MAT2B: variants seen among roughly 807,000 people sequenced by gnomAD.
MAT2B encodes methionine adenosyltransferase 2 subunit beta.
In MAT2B, 16 loss-of-function variants were observed where a neutral mutation model predicts 36.1. The observed-to-expected ratio is 0.44, with a 90% CI of 0.30 to 0.67. The LOEUF (loss-of-function observed/expected upper bound fraction) is 0.67, where lower values mean the gene tolerates loss of function less well. Ranked by LOEUF, MAT2B falls within the 30% of genes least tolerant of loss-of-function variation. The pLI is 0.09. For missense variants in MAT2B, 332 were observed against 398.2 expected (o/e 0.83, Z 1.42); for synonymous variants, 148 against 136.9 (o/e 1.08, Z -0.57).
chr5:163,515,957 A>T (rs1343682895), intron 4 of MAT2B, among the ~76,000 whole-genome samples: 1 of 151,440 alleles, frequency 6.6e-6, no homozygotes, highest in Non-Finnish European at 1.5e-5. Flanking sequence ...CTGGTCTCGA[A>T]CTCCTGGGCT....
chr5:163,517,472 A>G (rs1760151036), intron 5 of MAT2B, 89 bp from the exon 6 acceptor site: 1 of 705,338 alleles, frequency 1.4e-6, no homozygotes, highest in South Asian at 1.7e-5. Flanking sequence ...TAGTTCCTGG[A>G]CCTTATTTTA....
At chr5:163,511,279 T>TG in intron 1 of MAT2B, among the ~76,000 whole-genome samples, 1 of 143,964 alleles carries the variant, frequency 6.9e-6, no homozygotes, top group East Asian at 2.0e-4. Context: ...AAAAAATTTT[T>TG]TTTTTGAAAC....
rs542109881 is a variant in MAT2B, at chr5:163,511,199, T to C, written c.64-803T>C. Among the ~76,000 whole-genome samples the C allele has an allele frequency of 5.8e-4, 88 of 152,200 alleles. 1 individual carries two copies. The highest frequency in any genetic ancestry group is 3.5e-4 in the Non-Finnish European group (24 of 68,044). On this transcript the variant is annotated intron_variant, in intron 1 of 6. Coordinates refer to ENST00000321757, the MANE Select transcript of MAT2B (RefSeq NM_013283.5). ...TTTCTGTTAACATAGGAAATATAAA[T>C]CTACATAATTCCTTGCATATCATCT...
At chr5:163,517,774 T>C (rs1760156016) in intron 6 of MAT2B, 100 bp downstream of exon 6, 2 of 687,350 alleles carry the variant, frequency 2.9e-6, no homozygotes, top group African/African-American at 1.8e-5. Flanking sequence ...AAGTGAACTT[T>C]GCTTGTATGC....
chr5:163,517,883 AG>A, intron 6 of MAT2B: 1 of 497,544 alleles, frequency 2.0e-6, no homozygotes, highest in African/African-American at 1.9e-5. Flanking sequence ...TGATCATGAC[AG>A]GCATTTGGTT....
At chr5:163,514,102 T>G (rs548213093) in intron 4 of MAT2B, 108 bp downstream of exon 4, 1 of 872,180 alleles carries the variant, frequency 1.1e-6, no homozygotes, top group Admixed American at 3.2e-5. Context: ...ATATGAATCA[T>G]TAGAGAAAAA....
chr5:163,518,262 A>T lies in MAT2B; in HGVS notation c.904A>T (p.Thr302Ser). ...NAQLDCSKLE[T>S]LGIGQRTPFR... ...TCAGCTTGACTGCTCCAAATTGGAGACCTTGGGCATTGGCCAACGAACACC... is the reference window on the plus strand; with the variant it reads ...TCAGCTTGACTGCTCCAAATTGGAGTCCTTGGGCATTGGCCAACGAACACC... The change falls in exon 7 of 7, where the codon ACC becomes TCC. Residue 302 changes from threonine to serine, a missense_variant. Physicochemically the swap from Thr to Ser is moderately conservative, Grantham distance 58 (BLOSUM62 1). Coordinates refer to ENST00000321757, the MANE Select transcript of MAT2B (RefSeq NM_013283.5). 1 of 1,613,946 alleles carries T rather than the reference A, an allele frequency of 6.2e-7. No individual in the cohort carries two copies. Among genetic ancestry groups the T allele is most frequent in the Non-Finnish European group, 8.5e-7 (1 of 1,179,916 alleles).
chr5:163,505,714 A>T lies in MAT2B; in HGVS notation c.28A>T (p.Ile10Leu). 1 of 1,285,790 alleles carries T rather than the reference A, an allele frequency of 7.8e-7. No homozygotes were observed. Among genetic ancestry groups the T allele is most frequent in the Non-Finnish European group, 9.9e-7 (1 of 1,008,960 alleles). The allele number at this position is 1,285,790 out of a possible 1,614,324, so 79.6% of individuals were successfully genotyped here. ...GGTGGGGCGGGAGAAAGAGCTCTCT[A>T]TACACTTTGTTCCCGGGAGCTGTCG... MVGREKELSIHFVPGSCRLV... is the reference protein window; with the variant it reads MVGREKELSLHFVPGSCRLV... Residue 10 changes from isoleucine to leucine, a missense_variant, in exon 1 of 7, where the codon ATA becomes TTA. Ile to Leu is a conservative substitution (Grantham distance 5, BLOSUM62 2). Coordinates refer to ENST00000321757, the MANE Select transcript of MAT2B (RefSeq NM_013283.5).
chr5:163,505,867 G>A (rs976032825), intron 1 of MAT2B, 118 bp downstream of exon 1: 1 of 787,298 alleles, frequency 1.3e-6, no homozygotes, highest in Non-Finnish European at 1.8e-6. Flanking sequence ...CCGGCCGGGA[G>A]TGGTCTCACC....
At chr5:163,506,979 T>G (rs763969941) in intron 1 of MAT2B, among the ~76,000 whole-genome samples, 12 of 152,138 alleles carry the variant, frequency 7.9e-5, no homozygotes, top group Middle Eastern at 3.2e-3. Flanking sequence ...CTGGAGTGGT[T>G]GTTGTTAGTA....
rs140996665 is a variant in MAT2B at position 163,517,598 on chromosome 5, A to G, written c.758A>G (p.Asn253Ser). ...AAGGGAACCTTTCACTGGTCTGGCA[A>G]TGAACAGATGACTAAGTATGAAATG... is the stretch of plus-strand genomic sequence containing the variant. ...SIKGTFHWSG[N>S]EQMTKYEMAC... Residue 253 changes from asparagine (N) to serine (S), a missense_variant, in exon 6 of 7, where the codon AAT becomes AGT. Physicochemically the swap from Asn to Ser is conservative, Grantham distance 46. Transcript: ENST00000321757. 2.6e-4 allele frequency: 416 copies of G among 1,613,634 alleles called. No homozygotes were observed. The highest frequency in any genetic ancestry group is 2.4e-4 in the Non-Finnish European group (285 of 1,179,576).
At chr5:163,513,776 A>G in intron 3 of MAT2B, 66 bp from the exon 4 acceptor site, 1 of 1,536,940 alleles carries the variant, frequency 6.5e-7, no homozygotes, top group Non-Finnish European at 8.9e-7. Context: ...ATGAAAAACC[A>G]TTCTAAATTC....
chr5:163,503,132 G>C (rs1347084305), upstream of MAT2B: 1 of 434,206 alleles, frequency 2.3e-6, no homozygotes, highest in Non-Finnish European at 4.2e-6. Flanking sequence ...ACCCAGGCTT[G>C]ACTGGCAATT....
In MAT2B at chr5:163,516,691, C is replaced by G; in HGVS notation, c.700C>G (p.Leu234Val). 6.2e-7 allele frequency: 1 copy of G among 1,614,172 alleles called. No homozygotes were observed. Among genetic ancestry groups the G allele is most frequent in the Non-Finnish European group, 8.5e-7 (1 of 1,180,040 alleles). ...VKDVATVCRQ[L>V]AEKRMLDPSI... ...AGATGTGGCCACTGTGTGCCGGCAGCTAGCAGAGAAGAGAATGCTGGTAAG... is the reference window on the plus strand; with the variant it reads ...AGATGTGGCCACTGTGTGCCGGCAGGTAGCAGAGAAGAGAATGCTGGTAAG... Residue 234 changes from leucine (L) to valine (V), a missense_variant, in exon 5 of 7, where the codon CTA becomes GTA. Physicochemically the swap from Leu to Val is conservative, Grantham distance 32. Transcript: ENST00000321757.
At chr5:163,505,939 C>T (rs1467788733) in intron 1 of MAT2B, among the ~76,000 whole-genome samples, 190 bp downstream of exon 1, 2 of 152,102 alleles carry the variant, frequency 1.3e-5, no homozygotes, top group African/African-American at 2.4e-5. Flanking sequence ...TCAGCGCACA[C>T]GGGTCAGTGT....
chr5:163,510,183 A>C (rs2113553429), intron 1 of MAT2B, among the ~76,000 whole-genome samples: 1 of 152,292 alleles, frequency 6.6e-6, no homozygotes, highest in Non-Finnish European at 1.5e-5. Context: ...GTAAAAGTTG[A>C]CTTTATTCAA....
At position 163,516,516 on chromosome 5, in the gene MAT2B, A is replaced by G. The variant is rs749416883; in HGVS notation, c.527-2A>G. 1.2e-6 allele frequency: 2 copies of G among 1,612,936 alleles called. No homozygotes were observed. The highest frequency in any genetic ancestry group is 8.5e-7 in the Non-Finnish European group (1 of 1,178,942). On this transcript the variant is annotated splice_acceptor_variant, in intron 4 of 6. Coordinates refer to ENST00000321757, the MANE Select transcript of MAT2B (RefSeq NM_013283.5). LOFTEE classifies it high-confidence loss of function. ...AAATTATTTGCTTTTATTCTTCTCT[A>G]GGAGCTGCTGTTTTGAGGATTCCTA... is the stretch of plus-strand genomic sequence containing the variant.
chr5:163,504,394 TTA>T (rs768093472), upstream of MAT2B, among the ~76,000 whole-genome samples: 8 of 152,154 alleles, frequency 5.3e-5, no homozygotes, highest in African/African-American at 9.7e-5. Context: ...TAGAGAAACT[TTA>T]TGTTTACACG....
intron 1 of MAT2B, among the ~76,000 whole-genome samples, chr5:163,506,288 A>G (rs1274909807): frequency 6.6e-6 from 1 of 152,194 alleles, no homozygotes; most frequent in Non-Finnish European, 1.5e-5. Flanking sequence ...GAAAACGGGC[A>G]TAGAGGGTGA....
Sources: gnomAD v4.1 joint callset for allele counts (sites outside exome capture counted in the v4.1 genomes callset) on GRCh38, gnomAD v4.1.1 for gene constraint, MANE v1.5 for transcripts, NCBI Gene and HGNC (gene_info 2026-07-23, HGNC 2026-07-21) for gene names.